CACNA2D2: variants seen among roughly 807,000 people sequenced by gnomAD.
CACNA2D2 encodes voltage-dependent calcium channel subunit alpha-2/delta-2.
A neutral mutation model predicts 166.4 loss-of-function variants in CACNA2D2; 48 were observed. The observed-to-expected ratio is 0.29, with a 90% CI of 0.23 to 0.37. The LOEUF (loss-of-function observed/expected upper bound fraction) is 0.37, where lower values mean the gene tolerates loss of function less well. Ranked by LOEUF, CACNA2D2 falls within the 10% of genes least tolerant of loss-of-function variation. The pLI, the probability that CACNA2D2 is intolerant of heterozygous loss-of-function variation, is 1.00. For synonymous variants in CACNA2D2, 561 were observed against 573.7 expected (o/e 0.98, Z 0.32); for missense variants, 1,122 against 1,433.0 (o/e 0.78, Z 3.50).
chr3:50,369,947 G>C (rs1178372120), intron 23 of CACNA2D2, among the ~76,000 whole-genome samples: 2 of 152,246 alleles, frequency 1.3e-5, no homozygotes, highest in Non-Finnish European at 2.9e-5. Flanking sequence ...CGGGGTTGGG[G>C]GGATGGGCAG....
intron 22 of CACNA2D2, among the ~76,000 whole-genome samples, chr3:50,371,087 G>C (rs1385953671): frequency 2.0e-5 from 3 of 152,068 alleles, no homozygotes; most frequent in Non-Finnish European, 4.4e-5. Context: ...AAGTGCCAAG[G>C]AGTGTTCCCA....
intron 1 of CACNA2D2, among the ~76,000 whole-genome samples, chr3:50,493,925 G>A (rs1396470956): frequency 6.6e-6 from 1 of 152,222 alleles, no homozygotes; most frequent in Non-Finnish European, 1.5e-5. Context: ...GGAGGCCAGA[G>A]CTCTTCCCAG....
intron 3 of CACNA2D2, among the ~76,000 whole-genome samples, chr3:50,426,504 C>G (rs1540293): frequency 1.3e-5 from 2 of 152,212 alleles, no homozygotes; most frequent in Non-Finnish European, 2.9e-5. Context: ...CTTCCAGGCC[C>G]GACACATGCC....
intron 2 of CACNA2D2, among the ~76,000 whole-genome samples, chr3:50,453,675 T>C (rs1294917548): frequency 6.6e-6 from 1 of 152,222 alleles, no homozygotes; most frequent in Non-Finnish European, 1.5e-5. Context: ...TGAATCTTCC[T>C]GACCACCATC....
chr3:50,411,786 C>T (rs897649205), intron 3 of CACNA2D2, among the ~76,000 whole-genome samples: 1 of 152,164 alleles, frequency 6.6e-6, no homozygotes, highest in Non-Finnish European at 1.5e-5. Flanking sequence ...CCTGTGTGAC[C>T]AGGACTCCCA....
At chr3:50,440,991 C>T (rs544740355) in intron 2 of CACNA2D2, among the ~76,000 whole-genome samples, 2 of 151,788 alleles carry the variant, frequency 1.3e-5, no homozygotes, top group African/African-American at 4.8e-5. Context: ...GCAGCAGTAG[C>T]GCCAGGTGCA....
At chr3:50,428,963 C>T (rs934726897) in intron 3 of CACNA2D2, among the ~76,000 whole-genome samples, 18 of 152,192 alleles carry the variant, frequency 1.2e-4, no homozygotes, top group African/African-American at 4.1e-4. Context: ...GGTGCCGTGG[C>T]TCACACCTGT....
Position 50,365,065 on chromosome 3 carries a change from G to A in CACNA2D2, c.3208+10C>T, listed in dbSNP as rs1163689982. ...GGGAGCGGGCGGCGGGGAGGGCGGG[G>A]GCAGGATACAGTGCGTCTCCTTCTG... On this transcript the variant is annotated intron_variant, in intron 36 of 37. Coordinates refer to ENST00000424201, the MANE Select transcript of CACNA2D2 (RefSeq NM_006030.4). The surrounding 1 kb of genome is among the most constrained non-coding windows in gnomAD (Gnocchi z 4.5). 5 of 1,607,332 alleles carry A rather than the reference G, an allele frequency of 3.1e-6. No individual in the cohort carries two copies. The highest frequency in any genetic ancestry group is 2.2e-5 in the East Asian group (1 of 44,768).
At chr3:50,418,535 C>T (rs1707376809) in intron 3 of CACNA2D2, among the ~76,000 whole-genome samples, 1 of 152,246 alleles carries the variant, frequency 6.6e-6, no homozygotes, top group South Asian at 2.1e-4. Context: ...TCCCTGAGCA[C>T]TCCCAGGGCC....
chr3:50,455,957 A>T (rs1470666891), intron 2 of CACNA2D2, among the ~76,000 whole-genome samples: 2 of 151,886 alleles, frequency 1.3e-5, no homozygotes, highest in African/African-American at 4.8e-5. Context: ...TGCATTGTCA[A>T]CTTCTACCCA....
intron 1 of CACNA2D2, 65 bp from the exon 2 acceptor site, chr3:50,476,264 G>T: frequency 7.5e-7 from 1 of 1,333,266 alleles, no homozygotes; most frequent in Non-Finnish European, 1.0e-6. Context: ...CCCCACCCCA[G>T]CCAACCCGGG....
chr3:50,368,174 C>T lies in CACNA2D2; in HGVS notation c.2107G>A (p.Glu703Lys). Reference sequence around the variant, plus strand: ...TCTGGAGTCACTTTCTCCATGAGCTCAATAAAGTTTTTCAGGAACTCGGTG... The same window carrying T: ...TCTGGAGTCACTTTCTCCATGAGCTTAATAAAGTTTTTCAGGAACTCGGTG... Reference protein sequence around the residue: ...NNTEFLKNFIELMEKVTPDSK... With the variant: ...NNTEFLKNFIKLMEKVTPDSK... The change falls in exon 24 of 38, where the codon GAG becomes AAG. Residue 703 changes from glutamate (E) to lysine (K), a missense_variant. Around this residue, in one of 2 missense-constraint regions of CACNA2D2, gnomAD observed 840 missense variants for 1,166.8 expected, o/e 0.72. Coordinates refer to ENST00000424201, the MANE Select transcript of CACNA2D2 (RefSeq NM_006030.4). 1 of 1,613,832 alleles carries T rather than the reference C, an allele frequency of 6.2e-7. No individual in the cohort carries two copies. Among genetic ancestry groups the T allele is most frequent in the Non-Finnish European group, 8.5e-7 (1 of 1,179,850 alleles).
At chr3:50,397,318 T>C (rs1448169691) in intron 3 of CACNA2D2, among the ~76,000 whole-genome samples, 2 of 152,230 alleles carry the variant, frequency 1.3e-5, no homozygotes, top group Non-Finnish European at 2.9e-5. Flanking sequence ...AGTCCATCCC[T>C]GGGCACTGGA....
chr3:50,416,698 G>A (rs146400498), intron 3 of CACNA2D2, among the ~76,000 whole-genome samples: 15 of 152,362 alleles, frequency 9.8e-5, no homozygotes, highest in African/African-American at 2.2e-4. Flanking sequence ...CTGGAGCCGC[G>A]GAGCCACAGT....
intron 1 of CACNA2D2, among the ~76,000 whole-genome samples, chr3:50,490,440 G>T (rs1012221247): frequency 6.6e-6 from 1 of 152,048 alleles, no homozygotes; most frequent in African/African-American, 2.4e-5. Flanking sequence ...CCTGGACCCT[G>T]CCTCCCACCC....
intron 2 of CACNA2D2, among the ~76,000 whole-genome samples, chr3:50,444,126 T>C (rs867711373): frequency 1.3e-5 from 2 of 152,250 alleles, no homozygotes; most frequent in Middle Eastern, 3.4e-3. Context: ...TGAGCAACCT[T>C]CTTCAGGGGC....
At chr3:50,384,095 T>C (rs1705463230) in intron 6 of CACNA2D2, 101 bp downstream of exon 6, 6 of 1,432,376 alleles carry the variant, frequency 4.2e-6, no homozygotes, top group South Asian at 1.3e-5. Flanking sequence ...TGGAGGTAGA[T>C]GGCACTGGCC....
intron 3 of CACNA2D2, among the ~76,000 whole-genome samples, chr3:50,399,689 G>T (rs970424137): frequency 6.6e-5 from 10 of 152,158 alleles, no homozygotes; most frequent in African/African-American, 2.4e-4. Context: ...TAGTGTAGCT[G>T]CCCCAGACCC....
At chr3:50,496,258 C>T (rs1378368571) in intron 1 of CACNA2D2, among the ~76,000 whole-genome samples, 4 of 152,250 alleles carry the variant, frequency 2.6e-5, no homozygotes, top group African/African-American at 4.8e-5. Context: ...TGCACATACA[C>T]GCACACACCT....
Sources: allele counts gnomAD v4.1 joint callset (sites outside exome capture counted in the v4.1 genomes callset), GRCh38; gene constraint gnomAD v4.1.1; regional missense constraint gnomAD v4.1.1; non-coding constraint Gnocchi (gnomAD v3.1); transcripts MANE v1.5; gene names NCBI Gene and HGNC (gene_info 2026-07-23, HGNC 2026-07-21).